Variants in CERS6 observed in about 807,000 individuals in gnomAD.
CERS6 encodes the protein LAG1 homolog, ceramide synthase 6.
In CERS6, 26 loss-of-function variants were observed where a neutral mutation model predicts 56.8. The observed-to-expected ratio is 0.46, with a 90% CI of 0.34 to 0.63. CERS6 has a LOEUF of 0.63. CERS6 is among the 30% of genes least tolerant of loss of function. The pLI is 0.01. For synonymous variants in CERS6, 164 were observed against 173.3 expected (o/e 0.95, Z 0.42); for missense variants, 415 against 467.5 (o/e 0.89, Z 1.04).
intron 1 of CERS6, among the ~76,000 whole-genome samples, chr2:168,541,480 C>CTTT (rs1011383399): frequency 6.9e-6 from 1 of 145,174 alleles, no homozygotes; most frequent in South Asian, 2.2e-4. Flanking sequence ...TTTTTTCTTT[C>CTTT]TTTTTTTTTT....
chr2:168,699,513 T>C (rs1279268234), intron 6 of CERS6, among the ~76,000 whole-genome samples: 1 of 152,198 alleles, frequency 6.6e-6, no homozygotes, highest in African/African-American at 2.4e-5. Context: ...TTAAATAGGT[T>C]TGACAATCAT....
chr2:168,750,475 C>A (rs534932948), intron 8 of CERS6, among the ~76,000 whole-genome samples: 2 of 152,196 alleles, frequency 1.3e-5, no homozygotes, highest in South Asian at 4.1e-4. Context: ...AAAATTACAT[C>A]TTTTTTCTTT....
At chr2:168,702,492 G>A (rs973009338) in intron 6 of CERS6, among the ~76,000 whole-genome samples, 2 of 152,114 alleles carry the variant, frequency 1.3e-5, no homozygotes, top group African/African-American at 4.8e-5. Flanking sequence ...TTAGATTTTT[G>A]GAAAGCTTAT....
rs61031993 is a variant in CERS6 at position 168,559,733 on chromosome 2, T to TTTTATATATATATA, written c.277-1459_277-1458insTTTATATATATATA. On this transcript the variant is annotated intron_variant, in intron 2 of 9. Coordinates refer to ENST00000305747, the MANE Select transcript of CERS6 (RefSeq NM_203463.3). ...TGCTTGAGCTGCTTTTAGAAAGGTATCATATATATATATATATATATTTCA... is the reference window on the plus strand; with the variant it reads ...TGCTTGAGCTGCTTTTAGAAAGGTATTTTATATATATATACATATATATATATATATATATTTCA... 8.8e-4 allele frequency among the ~76,000 whole-genome samples: 58 copies of TTTTATATATATATA among 66,254 alleles called. 3 individuals are homozygous for TTTTATATATATATA. The highest frequency in any genetic ancestry group is 2.2e-3 in the African/African-American group (45 of 20,176). 43.5% of individuals were successfully genotyped at this position (66,254 alleles called of 152,430 possible). A position where few individuals can be genotyped will look rare whatever the true frequency, so the allele number is the denominator to read the frequency against.
intron 8 of CERS6, among the ~76,000 whole-genome samples, chr2:168,723,261 G>A (rs1683230638): frequency 6.6e-6 from 1 of 152,180 alleles, no homozygotes; most frequent in Admixed American, 6.5e-5. Flanking sequence ...TCTAAAGACA[G>A]TCCCTTCCAG....
intron 3 of CERS6, among the ~76,000 whole-genome samples, chr2:168,618,966 C>G (rs1341878924): frequency 6.6e-6 from 1 of 151,972 alleles, no homozygotes; most frequent in African/African-American, 2.4e-5. Context: ...TCAAACTATA[C>G]TATAAGGCCA....
chr2:168,561,726 C>T (rs73022577), intron 3 of CERS6, among the ~76,000 whole-genome samples: 6,281 of 152,160 alleles, frequency 0.041, 311 homozygotes, highest in African/African-American at 0.11. Flanking sequence ...AGGGTCGTGA[C>T]AATCTTCTGT....
intron 3 of CERS6, among the ~76,000 whole-genome samples, chr2:168,580,558 T>A (rs927490415): frequency 1.3e-5 from 2 of 152,306 alleles, no homozygotes; most frequent in South Asian, 4.2e-4. Flanking sequence ...ATTATTAACC[T>A]TAAACAACAG....
Position 168,762,353 on chromosome 2 carries a change from G to A in CERS6, c.846-3239G>A, listed in dbSNP as rs192305854. ...CTCTGACTCCCTGCCATGCTCAATG[G>A]CTGGAGCTTCCAGAATAGTGTTAAA... On this transcript the variant is annotated intron_variant, in intron 8 of 9. Transcript: ENST00000305747. Among the ~76,000 whole-genome samples the A allele has an allele frequency of 7.2e-5, 11 of 152,252 alleles. No individual in the cohort carries two copies. The East Asian group carries it at 2.1e-3, about 29-fold the overall frequency.
intron 1 of CERS6, among the ~76,000 whole-genome samples, chr2:168,466,893 C>T (rs779661841): frequency 1.9e-4 from 29 of 152,310 alleles, no homozygotes; most frequent in Non-Finnish European, 3.5e-4. Flanking sequence ...CTTTTGCACA[C>T]AGTGACCTAA....
chr2:168,545,063 A>G (rs1574055779), intron 1 of CERS6, among the ~76,000 whole-genome samples: 1 of 152,282 alleles, frequency 6.6e-6, no homozygotes. Context: ...AAGAGACTCT[A>G]TGATATGATT....
intron 1 of CERS6, among the ~76,000 whole-genome samples, chr2:168,491,812 C>T (rs1047947716): frequency 1.3e-4 from 20 of 152,104 alleles, no homozygotes; most frequent in African/African-American, 4.3e-4. Context: ...GTGTTTCCCT[C>T]CCTGTGTCCA....
intron 4 of CERS6, among the ~76,000 whole-genome samples, chr2:168,670,618 GTCAA>G (rs946799424): frequency 3.9e-5 from 6 of 152,104 alleles, no homozygotes; most frequent in African/African-American, 1.2e-4. Context: ...AAACGACATA[GTCAA>G]AACAGAAAAG....
intron 1 of CERS6, among the ~76,000 whole-genome samples, chr2:168,474,774 T>C (rs1275221016): frequency 1.3e-5 from 2 of 152,204 alleles, no homozygotes; most frequent in East Asian, 1.9e-4. Context: ...TCCCAACTCA[T>C]TGCCTTAGGG....
At position 168,681,441 on chromosome 2, in the gene CERS6, A is replaced by G. The variant is rs564456284; in HGVS notation, c.466-9593A>G. 1.4e-4 allele frequency among the ~76,000 whole-genome samples: 22 copies of G among 152,362 alleles called. 1 individual carries two copies. In the East Asian group the frequency reaches 4.0e-3, roughly 28 times the overall value. ...AGGGTGGCAGTGTATTATTAACACT[A>G]TTAACGTTGTTTATAAATATAGAGC... is the stretch of plus-strand genomic sequence containing the variant. On this transcript the variant is annotated intron_variant, in intron 4 of 9. Transcript: ENST00000305747.
At chr2:168,673,372 A>G (rs1184759108) in intron 4 of CERS6, among the ~76,000 whole-genome samples, 2 of 139,112 alleles carry the variant, frequency 1.4e-5, no homozygotes, top group African/African-American at 6.5e-5. Context: ...TCAGTGATTC[A>G]AAAGTCTAAA....
intron 4 of CERS6, among the ~76,000 whole-genome samples, chr2:168,687,371 A>G (rs8179552): frequency 0.94 from 143,875 of 152,326 alleles, 67,984 homozygotes; most frequent in East Asian, 0.98. Flanking sequence ...CAGCCTTCTT[A>G]CTTTTCCCTA....
chr2:168,510,594 C>A (rs962025235), intron 1 of CERS6, among the ~76,000 whole-genome samples: 1 of 152,146 alleles, frequency 6.6e-6, no homozygotes, highest in Admixed American at 6.6e-5. Flanking sequence ...ATGCCCTGAT[C>A]GTTAAGTGAA....
chr2:168,766,677 CAAAGT>C (rs1435887183), intron 9 of CERS6, among the ~76,000 whole-genome samples: 1 of 152,126 alleles, frequency 6.6e-6, no homozygotes, highest in Non-Finnish European at 1.5e-5. Context: ...AGAAATAGAC[CAAAGT>C]AAAGTAGGAG....
Sources: gnomAD v4.1 joint callset for allele counts (sites outside exome capture counted in the v4.1 genomes callset) on GRCh38, gnomAD v4.1.1 for gene constraint, MANE v1.5 for transcripts, NCBI Gene and HGNC (gene_info 2026-07-23, HGNC 2026-07-21) for gene names.